SMPD4: variants seen among roughly 807,000 people sequenced by gnomAD.
The protein encoded by SMPD4 is sphingomyelin phosphodiesterase 4.
SMPD4 carries 58 observed loss-of-function variants against 97.8 expected under a neutral mutation model. That is an observed-to-expected ratio of 0.59 (90% CI 0.48 to 0.74). The LOEUF (loss-of-function observed/expected upper bound fraction) is 0.74, where lower values mean the gene tolerates loss of function less well. Ranked by LOEUF, SMPD4 falls within the 30% of genes least tolerant of loss-of-function variation. The pLI, the probability that SMPD4 is intolerant of heterozygous loss-of-function variation, is 0.00. For missense variants in SMPD4, 853 were observed against 1,080.5 expected, an observed-to-expected ratio of 0.79 and a Z score of 2.95; for synonymous variants, 388 against 450.0, an observed-to-expected ratio of 0.86 and a Z score of 1.74.
chr2:130,178,179 A>C (rs1226281753), intron 1 of SMPD4, among the ~76,000 whole-genome samples: 1 of 130,196 alleles, frequency 7.7e-6, no homozygotes, highest in African/African-American at 2.8e-5. Context: ...TTCTGCATAC[A>C]TAACTATGAG....
intron 2 of SMPD4, 145 bp downstream of exon 2, chr2:130,176,409 A>C (rs1688982548): frequency 3.3e-6 from 2 of 604,526 alleles, no homozygotes; most frequent in South Asian, 2.4e-5. Context: ...GGCACAGTCA[A>C]GTTAAGGAGT....
In SMPD4 at chr2:130,173,286, T is replaced by C. The variant is rs777413661; in HGVS notation, c.338A>G (p.Tyr113Cys). 1.1e-5 allele frequency: 18 copies of C among 1,613,708 alleles called. No individual in the cohort carries two copies. In the East Asian group the frequency reaches 1.6e-4, roughly 14 times the overall value. Residue 113 changes from tyrosine to cysteine, a missense_variant, in exon 5 of 20, where the codon TAC becomes TGC. This residue lies in a region of SMPD4 where 313 missense variants were observed against 402.2 expected (regional missense o/e 0.78). Coordinates refer to ENST00000680298, the MANE Select transcript of SMPD4 (RefSeq NM_017951.5). The part of the protein sequence containing the change: ...EDYKFDFPVS[Y>C]LPGPVKASIQ... ...CCACTGTGGTTTACTTACAGGCAAG[T>C]AGGAGACAGGAAAGTCGAACTTATA... is the stretch of plus-strand genomic sequence containing the variant.
intron 11 of SMPD4, chr2:130,157,781 A>C (rs553639828): frequency 7.8e-4 from 208 of 265,602 alleles, no homozygotes; most frequent in Middle Eastern, 4.4e-3. Context: ...CCAGGGCAGG[A>C]GAAAGCCAGC....
At position 130,161,393 on chromosome 2, in the gene SMPD4, A is replaced by T. The variant is rs533994224; in HGVS notation, c.865-121T>A. On this transcript the variant is annotated intron_variant, in intron 10 of 19. Transcript: ENST00000680298. The stretch of plus-strand genomic sequence containing the variant: ...GGGGAAGCGGAGAGAGAAAGAAAGC[A>T]ATGAGAACGAGCCCAGGAGTGAGGA... 6.7e-6 allele frequency: 5 copies of T among 743,852 alleles called. No individual in the cohort carries two copies. The Admixed American group carries it at 1.0e-4, about 15-fold the overall frequency. The allele number at this position is 743,852 out of a possible 1,614,324, so 46.1% of individuals were successfully genotyped here.
intron 14 of SMPD4, 26 bp downstream of exon 14, chr2:130,156,009 T>A: frequency 1.9e-6 from 3 of 1,603,412 alleles, no homozygotes; most frequent in Non-Finnish European, 2.6e-6. Context: ...GCCAGTGGCA[T>A]GTCTGTGAGA....
At chr2:130,180,374 G>C (rs1689438764) in intron 1 of SMPD4, among the ~76,000 whole-genome samples, 1 of 149,810 alleles carries the variant, frequency 6.7e-6, no homozygotes, top group African/African-American at 2.5e-5. Context: ...GCGGGTGCAA[G>C]CAATTCTCTT....
At chr2:130,170,855 G>A (rs1688387052) in intron 8 of SMPD4, among the ~76,000 whole-genome samples, 2 of 151,754 alleles carry the variant, frequency 1.3e-5, no homozygotes, top group Non-Finnish European at 2.9e-5. Context: ...GAGGTCAGGA[G>A]TTTGAGGCCA....
chr2:130,152,793 C>T lies in SMPD4; in HGVS notation c.2246G>A (p.Arg749Lys). The T allele has an allele frequency of 6.2e-7, 1 of 1,609,976 alleles. No homozygotes were observed. The highest frequency in any genetic ancestry group is 1.3e-5 in the African/African-American group (1 of 74,998). ...YHLTEPGLASRHLLSPVGRRQ... is the reference protein window; with the variant it reads ...YHLTEPGLASKHLLSPVGRRQ... ...CCGCCCCACAGGGCTCAGCAGGTGC[C>T]TGCTGGCCAGCCCAGGTTCTGTGAG... Residue 749 changes from arginine to lysine, a missense_variant, in exon 20 of 20, where the codon AGG becomes AAG. Physicochemically the swap from Arg to Lys is conservative, Grantham distance 26. Transcript: ENST00000680298.
intron 11 of SMPD4, chr2:130,158,154 G>A (rs1687017382): frequency 8.0e-7 from 1 of 1,243,708 alleles, no homozygotes; most frequent in African/African-American, 1.6e-5. Flanking sequence ...AGAACCCCAT[G>A]GCTTCACTTT....
chr2:130,180,360 C>T (rs1490664427), intron 1 of SMPD4, among the ~76,000 whole-genome samples: 2 of 151,958 alleles, frequency 1.3e-5, no homozygotes, highest in African/African-American at 4.8e-5. Flanking sequence ...GCAACCTCCG[C>T]CTCGCGGGTG....
chr2:130,165,111 A>T (rs111283816), intron 9 of SMPD4, among the ~76,000 whole-genome samples: 6 of 118,242 alleles, frequency 5.1e-5, no homozygotes, highest in African/African-American at 3.2e-4. Flanking sequence ...TCTGATTTAA[A>T]AAAAAAAAAA....
chr2:130,167,820 A>C lies in SMPD4; in HGVS notation c.660-230T>G, dbSNP rs184868309. 1.1e-4 allele frequency among the ~76,000 whole-genome samples: 17 copies of C among 152,324 alleles called. No individual in the cohort carries two copies. In the East Asian group the frequency reaches 2.9e-3, roughly 26 times the overall value. On this transcript the variant is annotated intron_variant, in intron 8 of 19. Transcript: ENST00000680298. ...TACCACAGAGTGACCATTGACCCAC[A>C]AATCAATGAAGGAGGGATGAAGTTA...
Position 130,157,970 on chromosome 2 carries a change from T to G in SMPD4, c.952-574A>C. On this transcript the variant is annotated intron_variant, in intron 11 of 19. Coordinates refer to ENST00000680298, the MANE Select transcript of SMPD4 (RefSeq NM_017951.5). Reference sequence around the variant, plus strand: ...CTAGACAACATAGGGACACCCTGTCTCTACAAAAAATTTTTAAAAGTTAGC... The same window carrying G: ...CTAGACAACATAGGGACACCCTGTCGCTACAAAAAATTTTTAAAAGTTAGC... 3 of 219,962 alleles carry G rather than the reference T, an allele frequency of 1.4e-5. No individual in the cohort carries two copies. In the South Asian group the frequency reaches 1.8e-4, roughly 13 times the overall value. 13.6% of individuals were successfully genotyped at this position (219,962 alleles called of 1,614,324 possible).
At chr2:130,176,713 G>C (rs1256289113) in intron 1 of SMPD4, 76 bp from the exon 2 acceptor site, 25 of 1,253,924 alleles carry the variant, frequency 2.0e-5, no homozygotes, top group Non-Finnish European at 2.6e-5. Flanking sequence ...TTAGAGACAG[G>C]GTCTTGTTCT....
chr2:130,154,242 G>C (rs369727409), intron 16 of SMPD4, 35 bp downstream of exon 16: 8 of 1,548,520 alleles, frequency 5.2e-6, no homozygotes, highest in Non-Finnish European at 7.0e-6. Context: ...CATGGCTCCA[G>C]GGGCCCTGAG....
At chr2:130,157,517 A>G in intron 11 of SMPD4, 121 bp from the exon 12 acceptor site, 1 of 1,517,048 alleles carries the variant, frequency 6.6e-7, no homozygotes, top group East Asian at 2.4e-5. Flanking sequence ...GGGAGGCATG[A>G]GCCAGGCCAG....
Position 130,166,631 on chromosome 2 carries a change from G to C in SMPD4, c.792+827C>G, listed in dbSNP as rs1256074311. Among the ~76,000 whole-genome samples the C allele has an allele frequency of 2.6e-5, 4 of 152,324 alleles. No homozygotes were observed. The South Asian group carries it at 8.3e-4, about 32-fold the overall frequency. The stretch of plus-strand genomic sequence containing the variant: ...ATGCCAGGCTGTAAAGCAAGGCTGT[G>C]GCTACCAAGTCAGCCCCAGGATCCA... On this transcript the variant is annotated intron_variant, in intron 9 of 19. Transcript: ENST00000680298.
chr2:130,153,609 G>C (rs551813447), intron 17 of SMPD4, 93 bp downstream of exon 17: 90 of 1,546,780 alleles, frequency 5.8e-5, no homozygotes, highest in Non-Finnish European at 7.6e-5. Context: ...TGTGGGGCCT[G>C]GGACTGGTAG....
chr2:130,180,713 G>A (rs191296036), intron 1 of SMPD4, among the ~76,000 whole-genome samples: 34 of 152,358 alleles, frequency 2.2e-4, no homozygotes, highest in African/African-American at 7.2e-4. Flanking sequence ...CGGAGCTCTA[G>A]AGACGATGAA....
Sources: allele counts gnomAD v4.1 joint callset (sites outside exome capture counted in the v4.1 genomes callset), GRCh38; gene constraint gnomAD v4.1.1; regional missense constraint gnomAD v4.1.1; transcripts MANE v1.5; gene names NCBI Gene and HGNC (gene_info 2026-07-23, HGNC 2026-07-21).